Variants in PAX2 observed in about 807,000 individuals in gnomAD.
PAX2 encodes the protein paired box 2, also known as paired box protein Pax-2.
Under a neutral mutation model 41.7 loss-of-function variants are expected in PAX2, and 9 were observed. The ratio of observed to expected loss-of-function variants is 0.22; its 90% CI spans 0.13 to 0.38. The LOEUF (loss-of-function observed/expected upper bound fraction) is 0.38, where lower values mean the gene tolerates loss of function less well. PAX2 is among the 10% of genes least tolerant of loss of function. PAX2 has a pLI of 1.00. For synonymous variants in PAX2, 221 were observed against 212.7 expected (o/e 1.04, Z -0.34); for missense variants, 418 against 531.6 (o/e 0.79, Z 2.10).
At chr10:100,736,827 C>T (rs1327304453) in intron 1 of PAX2, among the ~76,000 whole-genome samples, 1 of 152,130 alleles carries the variant, frequency 6.6e-6, no homozygotes, top group Non-Finnish European at 1.5e-5. Flanking sequence ...AGATCAATAG[C>T]AAACAGTTGT....
At chr10:100,758,075 G>A (rs879152315) in intron 3 of PAX2, among the ~76,000 whole-genome samples, 25 of 152,110 alleles carry the variant, frequency 1.6e-4, no homozygotes, top group Admixed American at 1.4e-3. Context: ...AACAGATTTT[G>A]TGTTTTCCAA....
intron 1 of PAX2, among the ~76,000 whole-genome samples, chr10:100,736,087 G>A (rs1239521390): frequency 2.6e-5 from 4 of 152,196 alleles, no homozygotes; most frequent in East Asian, 1.9e-4. Context: ...GAAGGCCTTC[G>A]CTTCCAGTAA....
At chr10:100,764,093 T>C (rs1845929813) in intron 3 of PAX2, among the ~76,000 whole-genome samples, 1 of 152,158 alleles carries the variant, frequency 6.6e-6, no homozygotes, top group Non-Finnish European at 1.5e-5. Context: ...ATGCGTCTAT[T>C]TCAGTGTGTA....
intron 1 of PAX2, chr10:100,749,053 C>A (rs1845328155): frequency 1.0e-6 from 1 of 985,508 alleles, no homozygotes; most frequent in Non-Finnish European, 1.2e-6. Flanking sequence ...CTTCCTTGCT[C>A]TACTTCAGAT....
intron 7 of PAX2, among the ~76,000 whole-genome samples, chr10:100,818,397 G>C (rs943611697): frequency 1.2e-4 from 18 of 152,142 alleles, no homozygotes; most frequent in African/African-American, 4.3e-4. Context: ...TACTTCACAT[G>C]TTATTTTGCT....
chr10:100,770,598 G>A (rs555255733), intron 3 of PAX2, among the ~76,000 whole-genome samples: 1 of 152,340 alleles, frequency 6.6e-6, no homozygotes, highest in South Asian at 2.1e-4. Context: ...GGCCCATCTA[G>A]CCTGGTAAAT....
At chr10:100,754,838 G>C (rs1268573378) in intron 3 of PAX2, among the ~76,000 whole-genome samples, 1 of 152,196 alleles carries the variant, frequency 6.6e-6, no homozygotes, top group East Asian at 1.9e-4. Flanking sequence ...TTGGCCAGAG[G>C]GGTGGTACTG....
At chr10:100,741,212 C>G (rs1346809517), upstream of PAX2, among the ~76,000 whole-genome samples, 2 of 151,954 alleles carry the variant, frequency 1.3e-5, no homozygotes, top group African/African-American at 4.8e-5. Context: ...TCAGGCCCCC[C>G]GGGCTTCACG....
At chr10:100,735,628 A>AGGCGAGACGCGTT in exon 1 of PAX2, 1 of 1,037,124 alleles carries the variant, frequency 9.6e-7, no homozygotes. Context: ...GCGGCGGCGA[A>AGGCGAGACGCGTT]GGCGAGACGC....
In PAX2 at chr10:100,808,543, A is replaced by G. The variant is rs571715710; in HGVS notation, c.793-567A>G. ...GCAGGACACCCTTTCAGAGTCAATG[A>G]CTGGCCCCCTCCTACCCTTCTGTTA... On this transcript the variant is annotated intron_variant, in intron 6 of 9. Transcript: ENST00000355243. Among the ~76,000 whole-genome samples the G allele has an allele frequency of 3.3e-5, 5 of 152,074 alleles. No homozygotes were observed. The South Asian group carries it at 8.3e-4, about 25-fold the overall frequency.
chr10:100,826,945 C>T lies in PAX2; in HGVS notation c.1022-64C>T, dbSNP rs1224599727. On this transcript the variant is annotated intron_variant, in intron 8 of 9. Transcript: ENST00000355243. This position sits in a 1 kb window ranked among gnomAD's most constrained non-coding sequence, Gnocchi z 5.5. Reference sequence around the variant, plus strand: ...GAGGAGCGGGCGGAGAAGCCACCGGCCGGACTCGTGGGGTCCGCCCTGGCT... The same window carrying T: ...GAGGAGCGGGCGGAGAAGCCACCGGTCGGACTCGTGGGGTCCGCCCTGGCT... The T allele has an allele frequency of 1.8e-6, 2 of 1,130,502 alleles. No individual in the cohort carries two copies. Among genetic ancestry groups the T allele is most frequent in the Non-Finnish European group, 2.7e-6 (2 of 746,844 alleles). 70.0% of individuals were successfully genotyped at this position (1,130,502 alleles called of 1,614,324 possible).
chr10:100,749,512 G>C lies in PAX2; in HGVS notation c.44-234G>C, dbSNP rs1340824939. 3.0e-6 allele frequency: 4 copies of C among 1,325,668 alleles called. No homozygotes were observed. The Admixed American group carries it at 1.1e-4, about 37-fold the overall frequency. The allele number at this position is 1,325,668 out of a possible 1,614,324, so 82.1% of individuals were successfully genotyped here. A position where few individuals can be genotyped will look rare whatever the true frequency, so the allele number is the denominator to read the frequency against. ...GTCCCCCCTTTGCTTTCTACCTTGC[G>C]TCGCAAGGCCTGAGTCGCCCTCTCG... On this transcript the variant is annotated intron_variant, in intron 1 of 9. Transcript: ENST00000355243.
chr10:100,827,125 T>C lies in PAX2; in HGVS notation c.1108+30T>C. The C allele has an allele frequency of 6.4e-7, 1 of 1,565,174 alleles. No individual in the cohort carries two copies. Among genetic ancestry groups the C allele is most frequent in the Non-Finnish European group, 8.8e-7 (1 of 1,136,258 alleles). On this transcript the variant is annotated intron_variant, in intron 9 of 9. Transcript: ENST00000355243. This position sits in a 1 kb window ranked among gnomAD's most constrained non-coding sequence, Gnocchi z 8.5. Reference sequence around the variant, plus strand: ...GTACGCCACCTGGCTGGCCGGCGGCTCAGCGCGGCCGCGCGGCTTCTGGGC... The same window carrying C: ...GTACGCCACCTGGCTGGCCGGCGGCCCAGCGCGGCCGCGCGGCTTCTGGGC...
intron 3 of PAX2, among the ~76,000 whole-genome samples, 170 bp from the exon 4 acceptor site, chr10:100,779,328 A>G (rs1404795487): frequency 6.6e-6 from 1 of 152,232 alleles, no homozygotes; most frequent in East Asian, 1.9e-4. Context: ...GAGCCAACAG[A>G]AGGAAAACCC....
intron 7 of PAX2, among the ~76,000 whole-genome samples, chr10:100,820,131 A>G (rs1331565878): frequency 1.3e-5 from 2 of 152,220 alleles, no homozygotes; most frequent in Admixed American, 6.5e-5. Flanking sequence ...GAGTTTTATT[A>G]TAGACTTTTG....
At chr10:100,749,565 C>T in intron 1 of PAX2, 181 bp from the exon 2 acceptor site, 1 of 1,403,778 alleles carries the variant, frequency 7.1e-7, no homozygotes, top group South Asian at 1.7e-5. Context: ...AGCCCAGCGT[C>T]TGTGCTTCCA....
At chr10:100,781,141 C>G (rs2133897378) in intron 4 of PAX2, 105 bp from the exon 5 acceptor site, 1 of 1,158,510 alleles carries the variant, frequency 8.6e-7, no homozygotes, top group South Asian at 1.2e-5. Context: ...CTCATCCCTC[C>G]TTATGTCCTC....
rs372838746 is a variant in PAX2 at position 100,826,985 on chromosome 10, C to T, written c.1022-24C>T. The T allele has an allele frequency of 3.5e-5, 55 of 1,565,346 alleles. No individual in the cohort carries two copies. The African/African-American group carries it at 6.9e-4, about 20-fold the overall frequency. On this transcript the variant is annotated intron_variant, in intron 8 of 9. Transcript: ENST00000355243. This position sits in a 1 kb window ranked among gnomAD's most constrained non-coding sequence, Gnocchi z 5.5. ...CCGCCCTGGCTTGCAGGCGTCTGAT[C>T]CCCACTCCCCGACCCTCCCGCAGGG... is the stretch of plus-strand genomic sequence containing the variant.
upstream of PAX2, among the ~76,000 whole-genome samples, chr10:100,741,036 A>C (rs1156964858): frequency 6.6e-6 from 1 of 152,160 alleles, no homozygotes; most frequent in Admixed American, 6.5e-5. Context: ...AGTGGCTTGC[A>C]TTGTTGTTGC....
Sources: allele counts gnomAD v4.1 joint callset (sites outside exome capture counted in the v4.1 genomes callset), GRCh38; gene constraint gnomAD v4.1.1; non-coding constraint Gnocchi (gnomAD v3.1); transcripts MANE v1.5; gene names NCBI Gene and HGNC (gene_info 2026-07-23, HGNC 2026-07-21).